PCDH15: variants seen among roughly 807,000 people sequenced by gnomAD.
The protein encoded by PCDH15 is protocadherin related 15.
PCDH15 carries 129 observed loss-of-function variants against 178.5 expected under a neutral mutation model. The observed-to-expected ratio is 0.72, with a 90% CI of 0.63 to 0.84. The LOEUF is 0.84. PCDH15 is among the 40% of genes least tolerant of loss of function. The pLI is 0.00. For missense variants in PCDH15, 2,230 were observed against 2,099.9 expected (o/e 1.06, Z -1.21); for synonymous variants, 800 against 732.0 (o/e 1.09, Z -1.50).
intron 2 of PCDH15, among the ~76,000 whole-genome samples, chr10:55,499,925 T>A (rs1840618965): frequency 6.6e-6 from 1 of 151,740 alleles, no homozygotes; most frequent in Admixed American, 6.6e-5. Flanking sequence ...AATAATTAGG[T>A]AATTTTTATT....
chr10:55,069,374 C>T (rs1362314647), intron 2 of PCDH15, among the ~76,000 whole-genome samples: 4 of 148,266 alleles, frequency 2.7e-5, no homozygotes, highest in South Asian at 2.2e-4. Flanking sequence ...TGTGCTGCAC[C>T]CATTAACTCG....
At chr10:54,635,314 C>T (rs921404327) in intron 2 of PCDH15, among the ~76,000 whole-genome samples, 14 of 151,364 alleles carry the variant, frequency 9.2e-5, no homozygotes, top group Admixed American at 7.3e-4. Flanking sequence ...TTCAAAAACT[C>T]GAGTAAAACA....
chr10:54,920,495 A>AAAG (rs1837459962), intron 2 of PCDH15, among the ~76,000 whole-genome samples: 2 of 147,130 alleles, frequency 1.4e-5, no homozygotes, highest in Non-Finnish European at 3.0e-5. Flanking sequence ...AAAAAAAAAA[A>AAAG]TCTCCAGTGT....
At chr10:55,297,399 C>A (rs1449640018) in intron 1 of PCDH15, among the ~76,000 whole-genome samples, 1 of 152,096 alleles carries the variant, frequency 6.6e-6, no homozygotes, top group Non-Finnish European at 1.5e-5. Flanking sequence ...ATTGAATTCA[C>A]AGAACCATGT....
rs190184914 is a variant in PCDH15, at chr10:53,886,358, T to C, written c.3501+16885A>G. 2.2e-3 allele frequency among the ~76,000 whole-genome samples: 340 copies of C among 152,280 alleles called. 1 individual carries two copies. The highest frequency in any genetic ancestry group is 4.2e-3 in the Non-Finnish European group (283 of 68,006). On this transcript the variant is annotated intron_variant, in intron 26 of 37. Coordinates refer to ENST00000644397, the MANE Select transcript of PCDH15 (RefSeq NM_001384140.1). ...AAATAAAACCTCACATTTGTCCTTA[T>C]TATGCTTTTGGAAAACGGTTAGACT...
Position 54,795,167 on chromosome 10 carries a change from C to CT in PCDH15, c.-29+5757dup, listed in dbSNP as rs372949540. Among the ~76,000 whole-genome samples the CT allele has an allele frequency of 3.3e-5, 5 of 151,722 alleles. No homozygotes were observed. In the South Asian group the frequency reaches 1.0e-3, roughly 31 times the overall value. ...ATTCTCCACACTTCTTAGTTTTATA[C>CT]TTTTTTTCTAACTTAATGGTCCACT... On this transcript the variant is annotated intron_variant, in intron 1 of 37. Coordinates refer to ENST00000644397, the MANE Select transcript of PCDH15 (RefSeq NM_001384140.1).
intron 3 of PCDH15, among the ~76,000 whole-genome samples, chr10:54,809,554 T>C (rs1354424886): frequency 6.6e-6 from 1 of 152,164 alleles, no homozygotes; most frequent in Admixed American, 6.5e-5. Flanking sequence ...TATTACACAC[T>C]ATGTATACAT....
chr10:55,491,911 C>G (rs1840427500), intron 2 of PCDH15, among the ~76,000 whole-genome samples: 1 of 151,254 alleles, frequency 6.6e-6, no homozygotes, highest in African/African-American at 2.4e-5. Flanking sequence ...TGCACCTACT[C>G]AAGGGCAATC....
Position 54,079,421 on chromosome 10 carries a change from C to T in PCDH15, c.2001G>A (p.Thr667=), listed in dbSNP as rs200699443. 4.0e-5 allele frequency: 65 copies of T among 1,613,624 alleles called. No homozygotes were observed. The East Asian group carries it at 4.2e-4, about 11-fold the overall frequency. ...GTGCTTTCCCTAAGGTTAGAATCCC[C>T]GTGCTAGTGACAAAACAAACAAACA... ...PQRVFNLSET[T]GILTLGKALD... The change falls in exon 17 of 38, where the codon ACG becomes ACA. Residue 667 remains threonine, a synonymous_variant. Transcript: ENST00000644397.
Position 53,984,469 on chromosome 10 carries a change from A to T in PCDH15, c.2868+11180T>A, listed in dbSNP as rs1294135359. On this transcript the variant is annotated intron_variant, in intron 21 of 37. Transcript: ENST00000644397. ...CTGGCCTTACTTGATTGACTTTTTA[A>T]CTTTTATCCTTTCAAGTTTGAAATA... is the stretch of plus-strand genomic sequence containing the variant. Among the ~76,000 whole-genome samples, 7 of 151,832 alleles carry T rather than the reference A, an allele frequency of 4.6e-5. No individual in the cohort carries two copies. The East Asian group carries it at 1.2e-3, about 25-fold the overall frequency.
At chr10:54,888,810 G>T (rs1954408128) in intron 3 of PCDH15, among the ~76,000 whole-genome samples, 2 of 146,796 alleles carry the variant, frequency 1.4e-5, no homozygotes, top group Admixed American at 6.8e-5. Context: ...TTTTAAGTGG[G>T]CTATTTTATT....
chr10:54,858,529 A>C (rs577088575), intron 3 of PCDH15, among the ~76,000 whole-genome samples: 6 of 152,058 alleles, frequency 3.9e-5, no homozygotes, highest in Admixed American at 6.6e-5. Context: ...GTATATTTTT[A>C]AAGTTTAAAT....
intron 1 of PCDH15, among the ~76,000 whole-genome samples, chr10:55,272,092 C>T (rs1842459665): frequency 6.6e-6 from 1 of 151,874 alleles, no homozygotes. Flanking sequence ...TTCTATATAC[C>T]ATTCCTTATA....
chr10:54,196,364 G>T (rs1298648232), intron 10 of PCDH15, among the ~76,000 whole-genome samples: 2 of 151,784 alleles, frequency 1.3e-5, no homozygotes, highest in South Asian at 2.1e-4. Flanking sequence ...GGATGCTCTC[G>T]ATCTCCTGAC....
intron 20 of PCDH15, among the ~76,000 whole-genome samples, chr10:54,005,621 C>A (rs1011131380): frequency 6.6e-6 from 1 of 151,986 alleles, no homozygotes; most frequent in Non-Finnish European, 1.5e-5. Flanking sequence ...CCATCTTACA[C>A]CAGGTAGAAT....
intron 2 of PCDH15, among the ~76,000 whole-genome samples, chr10:55,485,414 T>C (rs985803851): frequency 5.9e-5 from 9 of 151,638 alleles, no homozygotes; most frequent in African/African-American, 1.9e-4. Context: ...GTTAAAAACA[T>C]GCTCATCATC....
rs200570776 is a variant in PCDH15, at chr10:55,225,075, T to C, written c.-155-58424A>G. 4.6e-5 allele frequency among the ~76,000 whole-genome samples: 7 copies of C among 152,108 alleles called. No individual in the cohort carries two copies. In the East Asian group the frequency reaches 1.3e-3, roughly 29 times the overall value. ...TTGTCTTATTGTTTTAGTATTTGTATCTTCTATTAGAGTGTAAGCTCATGA... is the reference window on the plus strand; with the variant it reads ...TTGTCTTATTGTTTTAGTATTTGTACCTTCTATTAGAGTGTAAGCTCATGA... On this transcript the variant is annotated intron_variant, in intron 1 of 5. Transcript: ENST00000458638.
intron 1 of PCDH15, among the ~76,000 whole-genome samples, chr10:55,239,836 T>C (rs1841492492): frequency 6.6e-6 from 1 of 151,960 alleles, no homozygotes; most frequent in African/African-American, 2.4e-5. Context: ...AACTATCTAA[T>C]AGGAAAAAAT....
intron 1 of PCDH15, among the ~76,000 whole-genome samples, chr10:54,793,198 C>T (rs578082529): frequency 1.2e-4 from 18 of 151,912 alleles, no homozygotes; most frequent in African/African-American, 2.4e-5. Flanking sequence ...GTTAGCACTG[C>T]GCTTTATCCC....
Sources: gnomAD v4.1 joint callset for allele counts (sites outside exome capture counted in the v4.1 genomes callset) on GRCh38, gnomAD v4.1.1 for gene constraint, MANE v1.5 for transcripts, NCBI Gene and HGNC (gene_info 2026-07-23, HGNC 2026-07-21) for gene names.